PPP2R2B: variants seen among roughly 807,000 people sequenced by gnomAD.
PPP2R2B encodes the protein serine/threonine-protein phosphatase 2A 55 kDa regulatory subunit B beta isoform.
Under a neutral mutation model 46.0 loss-of-function variants are expected in PPP2R2B, and 5 were observed. The observed-to-expected ratio is 0.11, with a 90% confidence interval of 0.06 to 0.23. The LOEUF (loss-of-function observed/expected upper bound fraction) is 0.23. Ranked by LOEUF, PPP2R2B falls within the 10% of genes least tolerant of loss-of-function variation. PPP2R2B has a pLI of 1.00. For synonymous variants in PPP2R2B, 215 were observed against 206.7 expected, an observed-to-expected ratio of 1.04 and a Z score of -0.34; for missense variants, 367 against 575.0, an observed-to-expected ratio of 0.64 and a Z score of 3.70.
Position 146,691,152 on chromosome 5 carries a change from A to G in PPP2R2B, c.423T>C (p.Asp141=). 6.2e-7 allele frequency: 1 copy of G among 1,614,134 alleles called. No homozygotes were observed. The highest frequency in any genetic ancestry group is 1.1e-5 in the South Asian group (1 of 91,076). Residue 141 remains aspartate, a synonymous_variant, in exon 5 of 10, where the codon GAT becomes GAC. Transcript: ENST00000394411. ...NLKDEEGRLR[D]PATITTLRVP... The stretch of plus-strand genomic sequence containing the variant: ...CCCGCAGGGTTGTGATGGTGGCAGG[A>G]TCCCGGAGCCGGCCCTCCTCATCTT...
At chr5:146,604,713 A>C (rs1205422541) in intron 7 of PPP2R2B, among the ~76,000 whole-genome samples, 1 of 152,200 alleles carries the variant, frequency 6.6e-6, no homozygotes, top group Non-Finnish European at 1.5e-5. Context: ...GGAAGGTACT[A>C]TCACTCTTCT....
At chr5:146,986,401 G>A (rs1753430505) in intron 1 of PPP2R2B, among the ~76,000 whole-genome samples, 1 of 152,130 alleles carries the variant, frequency 6.6e-6, no homozygotes, top group Non-Finnish European at 1.5e-5. Flanking sequence ...ACTGAGCCCT[G>A]AAACACTTCA....
chr5:146,907,061 T>C (rs1468349159), intron 1 of PPP2R2B, among the ~76,000 whole-genome samples: 2 of 152,064 alleles, frequency 1.3e-5, no homozygotes, highest in Non-Finnish European at 2.9e-5. Context: ...CTGATTGTGG[T>C]GAGGACAGAA....
At chr5:146,775,037 G>A (rs1411922165) in intron 2 of PPP2R2B, among the ~76,000 whole-genome samples, 1 of 152,014 alleles carries the variant, frequency 6.6e-6, no homozygotes, top group African/African-American at 2.4e-5. Flanking sequence ...GTCTTCACAG[G>A]TGAATTCTAA....
At chr5:146,981,256 T>C (rs1753163282) in intron 1 of PPP2R2B, among the ~76,000 whole-genome samples, 1 of 152,208 alleles carries the variant, frequency 6.6e-6, no homozygotes, top group Non-Finnish European at 1.5e-5. Context: ...AAGTTCATAC[T>C]TCAATCCCTC....
intron 2 of PPP2R2B, among the ~76,000 whole-genome samples, chr5:146,736,295 T>C (rs1442234241): frequency 1.3e-5 from 2 of 152,188 alleles, no homozygotes; most frequent in Non-Finnish European, 2.9e-5. Context: ...CATTCTTGGG[T>C]ATGTCTTTAT....
chr5:146,756,045 T>C (rs1753811444), intron 2 of PPP2R2B, among the ~76,000 whole-genome samples: 1 of 152,194 alleles, frequency 6.6e-6, no homozygotes, highest in Admixed American at 6.5e-5. Flanking sequence ...ATTTTGGAAA[T>C]GCAGGAGAAG....
intron 1 of PPP2R2B, among the ~76,000 whole-genome samples, chr5:146,926,347 G>A (rs1763781482): frequency 6.6e-6 from 1 of 151,736 alleles, no homozygotes; most frequent in South Asian, 2.1e-4. Flanking sequence ...GCCTATGCTA[G>A]TCTAAAATAT....
At chr5:146,756,785 CTG>C (rs747231346) in intron 2 of PPP2R2B, among the ~76,000 whole-genome samples, 44 of 152,116 alleles carry the variant, frequency 2.9e-4, no homozygotes, top group Non-Finnish European at 4.7e-4. Flanking sequence ...CATTCAGTGA[CTG>C]TTGTTTGTAT....
chr5:146,627,365 TC>T (rs2151065517), intron 7 of PPP2R2B, among the ~76,000 whole-genome samples: 1 of 152,314 alleles, frequency 6.6e-6, no homozygotes, highest in African/African-American at 2.4e-5. Flanking sequence ...ACACATTCCA[TC>T]AGGGACCTGG....
At chr5:146,882,442 A>G (rs560179346), upstream of PPP2R2B, among the ~76,000 whole-genome samples, 10 of 152,350 alleles carry the variant, frequency 6.6e-5, no homozygotes, top group Admixed American at 3.3e-4. Context: ...TTAAGTGCCA[A>G]GGCTCCGATA....
intron 5 of PPP2R2B, among the ~76,000 whole-genome samples, chr5:146,673,519 G>T (rs77053652): frequency 0.035 from 5,381 of 151,994 alleles, 120 homozygotes; most frequent in Non-Finnish European, 0.054. Flanking sequence ...TAGACATAAA[G>T]TCTAATATTC....
chr5:146,854,894 C>T (rs1324748552), intron 2 of PPP2R2B, among the ~76,000 whole-genome samples: 1 of 152,180 alleles, frequency 6.6e-6, no homozygotes, highest in Non-Finnish European at 1.5e-5. Flanking sequence ...GGACTCTGAA[C>T]TGTCTCTCGC....
chr5:146,785,960 C>T (rs925419764), intron 2 of PPP2R2B, among the ~76,000 whole-genome samples: 40 of 151,654 alleles, frequency 2.6e-4, no homozygotes, highest in African/African-American at 8.2e-4. Flanking sequence ...TTCTAGTGTT[C>T]GATAGCACAG....
chr5:146,931,312 T>C (rs1267636168), intron 1 of PPP2R2B, among the ~76,000 whole-genome samples: 1 of 152,148 alleles, frequency 6.6e-6, no homozygotes, highest in East Asian at 1.9e-4. Flanking sequence ...CAATGGGAAA[T>C]GGAGGTAAGA....
chr5:146,946,149 C>T (rs989437896), intron 1 of PPP2R2B, among the ~76,000 whole-genome samples: 19 of 152,142 alleles, frequency 1.2e-4, no homozygotes, highest in Non-Finnish European at 2.4e-4. Flanking sequence ...GCTTAAGCAA[C>T]AGCTTTACAC....
chr5:146,667,120 G>A (rs1045707628), intron 5 of PPP2R2B, among the ~76,000 whole-genome samples: 5 of 152,142 alleles, frequency 3.3e-5, no homozygotes, highest in African/African-American at 1.2e-4. Context: ...GAACAAATGA[G>A]TTAGGGAGGT....
intron 9 of PPP2R2B, chr5:146,592,308 C>T: frequency 9.5e-6 from 2 of 210,730 alleles, no homozygotes; most frequent in South Asian, 1.2e-4. Context: ...AATGTCTTGC[C>T]ATAACAGAAT....
chr5:146,883,735 T>C (rs943632303), upstream of PPP2R2B, among the ~76,000 whole-genome samples: 6 of 152,238 alleles, frequency 3.9e-5, no homozygotes, highest in Admixed American at 2.6e-4. Context: ...CAATTCCTGT[T>C]TGTGCATGCT....
Sources: allele counts gnomAD v4.1 joint callset (sites outside exome capture counted in the v4.1 genomes callset), GRCh38; gene constraint gnomAD v4.1.1; transcripts MANE v1.5; gene names NCBI Gene and HGNC (gene_info 2026-07-23, HGNC 2026-07-21).